Variants in WWOX observed in about 807,000 individuals in gnomAD.
WWOX encodes the protein WW domain-containing oxidoreductase.
WWOX carries 69 observed loss-of-function variants against 46.2 expected under a neutral mutation model. The ratio of observed to expected loss-of-function variants is 1.49; its 90% CI spans 1.23 to 1.82. WWOX has a LOEUF of 1.82. Ranked by LOEUF, WWOX falls within the 40% of genes most tolerant of loss-of-function variation. The pLI is 0.00. For synonymous variants in WWOX, 359 were observed against 202.6 expected (o/e 1.77, Z -6.56); for missense variants, 919 against 542.6 (o/e 1.69, Z -6.89).
intron 8 of WWOX, among the ~76,000 whole-genome samples, chr16:78,972,421 A>G (rs919378550): frequency 1.3e-5 from 2 of 151,790 alleles, no homozygotes; most frequent in African/African-American, 4.9e-5. Context: ...TATTTTACAA[A>G]TTAAAAGCAG....
At chr16:78,315,988 G>A (rs978434052) in intron 5 of WWOX, among the ~76,000 whole-genome samples, 1 of 152,004 alleles carries the variant, frequency 6.6e-6, no homozygotes, top group Non-Finnish European at 1.5e-5. Context: ...ACTCAAACCT[G>A]TAATCCCAGC....
At chr16:78,822,864 G>A (rs1305048403) in intron 8 of WWOX, among the ~76,000 whole-genome samples, 1 of 151,614 alleles carries the variant, frequency 6.6e-6, no homozygotes, top group African/African-American at 2.4e-5. Context: ...AATTAGGGAG[G>A]AAGAGCTAAA....
At chr16:78,743,061 C>T (rs2049269042) in intron 8 of WWOX, among the ~76,000 whole-genome samples, 1 of 152,070 alleles carries the variant, frequency 6.6e-6, no homozygotes, top group Non-Finnish European at 1.5e-5. Context: ...TGCTCATGAA[C>T]AGGAAGTGAA....
chr16:78,229,527 T>TAC (rs1364249187), intron 5 of WWOX, among the ~76,000 whole-genome samples: 1 of 148,438 alleles, frequency 6.7e-6, no homozygotes, highest in Non-Finnish European at 1.5e-5. Flanking sequence ...TATATATATA[T>TAC]ATATAAAATA....
chr16:78,365,207 A>T (rs2081506819), intron 5 of WWOX, among the ~76,000 whole-genome samples: 2 of 152,222 alleles, frequency 1.3e-5, no homozygotes, highest in African/African-American at 2.4e-5. Context: ...AGTGCCTGCC[A>T]AGAGTAACTG....
chr16:78,767,435 T>A (rs2049949757), intron 8 of WWOX, among the ~76,000 whole-genome samples: 1 of 151,900 alleles, frequency 6.6e-6, no homozygotes, highest in Admixed American at 6.6e-5. Flanking sequence ...TGCCACAAAA[T>A]TTCTTTGTTA....
intron 8 of WWOX, among the ~76,000 whole-genome samples, chr16:78,974,902 AGTCAGG>A (rs1315703678): frequency 5.3e-5 from 8 of 152,166 alleles, no homozygotes; most frequent in African/African-American, 1.9e-4. Flanking sequence ...CTCAGCTGCA[AGTCAGG>A]GTCCACCGAT....
intron 4 of WWOX, among the ~76,000 whole-genome samples, chr16:78,116,139 G>C (rs2032775398): frequency 6.6e-6 from 1 of 152,164 alleles, no homozygotes; most frequent in Non-Finnish European, 1.5e-5. Context: ...TTTATCCTTT[G>C]AGTGATAAAC....
chr16:78,564,036 C>A (rs1267615996), intron 8 of WWOX, among the ~76,000 whole-genome samples: 1 of 152,200 alleles, frequency 6.6e-6, no homozygotes, highest in South Asian at 2.1e-4. Context: ...CCAGGCTAGC[C>A]TTCTGGGCGA....
At chr16:78,906,984 C>G (rs1038303545) in intron 8 of WWOX, among the ~76,000 whole-genome samples, 1 of 152,104 alleles carries the variant, frequency 6.6e-6, no homozygotes, top group Admixed American at 6.5e-5. Context: ...GTTCATTCTG[C>G]CTGATGCCCA....
At chr16:78,247,817 G>C (rs768396226) in intron 5 of WWOX, among the ~76,000 whole-genome samples, 15 of 152,286 alleles carry the variant, frequency 9.8e-5, no homozygotes, top group African/African-American at 1.4e-4. Context: ...AGCAGGCATT[G>C]ATGGAGGTCT....
chr16:78,773,389 C>A (rs896951749), intron 8 of WWOX, among the ~76,000 whole-genome samples: 1 of 152,278 alleles, frequency 6.6e-6, no homozygotes, highest in East Asian at 1.9e-4. Context: ...TCCTCTGGTC[C>A]CACCCATGGG....
chr16:79,002,701 C>T (rs1429558718), intron 8 of WWOX, among the ~76,000 whole-genome samples: 2 of 152,096 alleles, frequency 1.3e-5, no homozygotes, highest in African/African-American at 2.4e-5. Flanking sequence ...AGGGACTGTG[C>T]CTATTCCCAT....
intron 8 of WWOX, among the ~76,000 whole-genome samples, chr16:78,865,419 A>T (rs79792310): frequency 0.021 from 3,232 of 152,298 alleles, 109 homozygotes; most frequent in African/African-American, 0.07. Flanking sequence ...ACTCCAGTGG[A>T]CTTTGATTCA....
intron 8 of WWOX, among the ~76,000 whole-genome samples, chr16:79,143,228 T>TC (rs1467985927): frequency 2.6e-4 from 39 of 152,256 alleles, no homozygotes; most frequent in Admixed American, 2.0e-3. Context: ...TTTCCCTGCT[T>TC]CCCCCTCCTG....
At position 78,349,728 on chromosome 16, in the gene WWOX, G is replaced by A. The variant is rs1172744680; in HGVS notation, c.517-37132G>A. 1.1e-4 allele frequency among the ~76,000 whole-genome samples: 13 copies of A among 121,054 alleles called. 4 individuals are homozygous for A. Among genetic ancestry groups the A allele is most frequent in the African/African-American group, 3.6e-4 (13 of 35,672 alleles). 79.4% of individuals were successfully genotyped at this position (121,054 alleles called of 152,430 possible). A position where few individuals can be genotyped will look rare whatever the true frequency, so the allele number is the denominator to read the frequency against. ...CAATTGTTTCAGTGATTGAAATTATGCTTGGAGTGCAGGTGTCACCGATGA... is the reference window on the plus strand; with the variant it reads ...CAATTGTTTCAGTGATTGAAATTATACTTGGAGTGCAGGTGTCACCGATGA... On this transcript the variant is annotated intron_variant, in intron 5 of 8. Coordinates refer to ENST00000566780, the MANE Select transcript of WWOX (RefSeq NM_016373.4).
At chr16:78,901,444 T>C (rs2044829082) in intron 8 of WWOX, among the ~76,000 whole-genome samples, 1 of 152,224 alleles carries the variant, frequency 6.6e-6, no homozygotes, top group Non-Finnish European at 1.5e-5. Flanking sequence ...TCTGTTTCAT[T>C]TTCTGTTTTG....
intron 8 of WWOX, among the ~76,000 whole-genome samples, chr16:79,093,287 C>G (rs186571408): frequency 2.6e-5 from 4 of 152,254 alleles, no homozygotes; most frequent in Admixed American, 2.6e-4. Context: ...CACTAAATAC[C>G]TGTCTATTAA....
chr16:78,435,709 C>T (rs1294395014), intron 8 of WWOX, among the ~76,000 whole-genome samples: 1 of 152,116 alleles, frequency 6.6e-6, no homozygotes, highest in Non-Finnish European at 1.5e-5. Flanking sequence ...CAACCTGGGA[C>T]AGTGGACCTC....
Sources: allele counts gnomAD v4.1 joint callset (sites outside exome capture counted in the v4.1 genomes callset), GRCh38; gene constraint gnomAD v4.1.1; transcripts MANE v1.5; gene names NCBI Gene and HGNC (gene_info 2026-07-23, HGNC 2026-07-21).